The following MYO1E variants were observed in gnomAD, a reference collection of about 807,000 sequenced individuals.
The protein encoded by MYO1E is myosin IE.
MYO1E carries 68 observed loss-of-function variants against 151.1 expected under a neutral mutation model. The ratio of observed to expected loss-of-function variants is 0.45; its 90% confidence interval spans 0.37 to 0.55. The LOEUF (loss-of-function observed/expected upper bound fraction) is 0.55. Ranked by LOEUF, MYO1E falls within the 20% of genes least tolerant of loss-of-function variation. The pLI is 0.00. For missense variants in MYO1E, 1,363 were observed against 1,389.3 expected (o/e 0.98, Z 0.30); for synonymous variants, 601 against 501.7 (o/e 1.20, Z -2.64).
intron 1 of MYO1E, among the ~76,000 whole-genome samples, chr15:59,367,032 C>T (rs1326137734): frequency 7.4e-6 from 1 of 135,382 alleles, no homozygotes; most frequent in Admixed American, 7.3e-5. Context: ...AGAGATGACT[C>T]AAACTTGGAA....
intron 1 of MYO1E, among the ~76,000 whole-genome samples, chr15:59,306,231 T>C (rs558286993): frequency 4.1e-4 from 63 of 152,346 alleles, no homozygotes; most frequent in Middle Eastern, 6.8e-3. Flanking sequence ...AAATCTGTTG[T>C]AGATTATTAC....
chr15:59,194,959 A>T (rs2079756772), intron 17 of MYO1E, among the ~76,000 whole-genome samples: 3 of 152,108 alleles, frequency 2.0e-5, no homozygotes, highest in Non-Finnish European at 4.4e-5. Context: ...CTTCTCATCA[A>T]TACGGTGCTT....
intron 2 of MYO1E, chr15:59,266,618 G>GTGATGGCA (rs2080255171): frequency 6.7e-6 from 1 of 149,254 alleles, no homozygotes; most frequent in South Asian, 2.1e-4. Flanking sequence ...TTTATGAAAT[G>GTGATGGCA]TGATGGCAGT....
chr15:59,335,014 G>A (rs781475386), intron 1 of MYO1E, among the ~76,000 whole-genome samples: 3 of 152,120 alleles, frequency 2.0e-5, no homozygotes, highest in Non-Finnish European at 4.4e-5. Context: ...TATCCCTGAA[G>A]AAGTTCTAAC....
intron 10 of MYO1E, among the ~76,000 whole-genome samples, chr15:59,216,592 G>GTA (rs55698726): frequency 0.11 from 11,661 of 102,294 alleles, 835 homozygotes; most frequent in Non-Finnish European, 0.15. Flanking sequence ...GTGTGTGTGT[G>GTA]TGTATCTATC....
At chr15:59,206,860 G>C in intron 14 of MYO1E, 1 of 1,438,872 alleles carries the variant, frequency 6.9e-7, no homozygotes. Context: ...TGAAGGTCCT[G>C]CCAACGGCTC....
chr15:59,262,758 A>G (rs762670732), intron 2 of MYO1E, among the ~76,000 whole-genome samples: 11 of 152,194 alleles, frequency 7.2e-5, no homozygotes, highest in Non-Finnish European at 1.3e-4. Context: ...TGGGGAATAC[A>G]AGATGGCCTC....
intron 1 of MYO1E, among the ~76,000 whole-genome samples, chr15:59,363,720 C>G (rs1451332067): frequency 1.3e-5 from 2 of 152,080 alleles, no homozygotes; most frequent in African/African-American, 4.8e-5. Context: ...TATATGGAAG[C>G]CTTTTGTTAT....
chr15:59,147,465 G>C (rs2079447900), intron 26 of MYO1E, among the ~76,000 whole-genome samples: 1 of 151,972 alleles, frequency 6.6e-6, no homozygotes, highest in Non-Finnish European at 1.5e-5. Context: ...GGTGGCTCAT[G>C]CGTGTAATCT....
At chr15:59,165,056 C>T (rs1315467312) in intron 22 of MYO1E, among the ~76,000 whole-genome samples, 1 of 152,244 alleles carries the variant, frequency 6.6e-6, no homozygotes, top group Non-Finnish European at 1.5e-5. Context: ...CTTCACCAGA[C>T]ACCACATCTG....
intron 25 of MYO1E, 128 bp from the exon 26 acceptor site, chr15:59,153,919 G>C: frequency 1.2e-6 from 1 of 835,888 alleles, no homozygotes; most frequent in Non-Finnish European, 2.0e-6. Flanking sequence ...TTCCGCATTT[G>C]AAAAAAATGG....
chr15:59,168,968 GTC>G (rs769517720), intron 22 of MYO1E, among the ~76,000 whole-genome samples: 20 of 152,126 alleles, frequency 1.3e-4, no homozygotes, highest in Non-Finnish European at 2.5e-4. Flanking sequence ...AAAAGATAAA[GTC>G]TCTTTATATT....
At chr15:59,357,691 C>T (rs1295008791) in intron 1 of MYO1E, among the ~76,000 whole-genome samples, 1 of 152,070 alleles carries the variant, frequency 6.6e-6, no homozygotes, top group African/African-American at 2.4e-5. Context: ...CTCAGGTGAT[C>T]CACCTACCTT....
chr15:59,246,253 G>A (rs1316850493), intron 4 of MYO1E, among the ~76,000 whole-genome samples: 1 of 152,148 alleles, frequency 6.6e-6, no homozygotes, highest in Non-Finnish European at 1.5e-5. Flanking sequence ...AAGTAGCTGG[G>A]ATTACAGGTG....
At chr15:59,301,283 T>C (rs1026677552) in intron 1 of MYO1E, among the ~76,000 whole-genome samples, 6 of 152,252 alleles carry the variant, frequency 3.9e-5, no homozygotes, top group African/African-American at 1.4e-4. Flanking sequence ...ACAATAAGAA[T>C]GTATCTTTAC....
intron 19 of MYO1E, among the ~76,000 whole-genome samples, chr15:59,175,006 C>T (rs1206242685): frequency 6.6e-6 from 1 of 152,128 alleles, no homozygotes; most frequent in Non-Finnish European, 1.5e-5. Context: ...TGTAGTGAGC[C>T]GAGTGCCCAC....
chr15:59,273,271 T>C (rs1357481582), intron 1 of MYO1E, among the ~76,000 whole-genome samples: 2 of 152,194 alleles, frequency 1.3e-5, no homozygotes. Flanking sequence ...GGGCTTCCTT[T>C]CATTTGGCAT....
chr15:59,339,969 T>G (rs1429038659), intron 1 of MYO1E, among the ~76,000 whole-genome samples: 2 of 151,828 alleles, frequency 1.3e-5, no homozygotes, highest in Non-Finnish European at 2.9e-5. Flanking sequence ...TGTCTCAGCC[T>G]CCCTAGTAGC....
intron 1 of MYO1E, among the ~76,000 whole-genome samples, chr15:59,330,272 A>G (rs2140422566): frequency 6.6e-6 from 1 of 152,276 alleles, no homozygotes; most frequent in Admixed American, 6.5e-5. Flanking sequence ...GCAGCAAGGC[A>G]TTCTCAAGGT....
Sources: gnomAD v4.1 joint callset for allele counts (sites outside exome capture counted in the v4.1 genomes callset) on GRCh38, gnomAD v4.1.1 for gene constraint, MANE v1.5 for transcripts, NCBI Gene and HGNC (gene_info 2026-07-23, HGNC 2026-07-21) for gene names.